Variants in ZCCHC7 observed in about 807,000 individuals in gnomAD.
ZCCHC7 encodes the protein zinc finger CCHC domain-containing protein 7.
Under a neutral mutation model 52.0 loss-of-function variants are expected in ZCCHC7, and 35 were observed. The ratio of observed to expected loss-of-function variants is 0.67; its 90% CI spans 0.51 to 0.89. The LOEUF (loss-of-function observed/expected upper bound fraction) is 0.89. Among genes scored for constraint, ZCCHC7 ranks in the 40% least tolerant of loss-of-function variants. The probability of loss-of-function intolerance (pLI) is 0.00; values close to 1 mark genes in which losing one functional copy is unlikely to be tolerated. For missense variants in ZCCHC7, 574 were observed against 649.1 expected, an observed-to-expected ratio of 0.88 and a Z score of 1.26; for synonymous variants, 217 against 221.5, an observed-to-expected ratio of 0.98 and a Z score of 0.18.
chr9:37,357,214 A>G lies in ZCCHC7; in HGVS notation c.1578A>G (p.Glu526=). The part of the protein sequence containing the change: ...GKQKKKERCW[E]DDDNDNLFLI... ...AGAAGAAAAAGGAGAGGTGCTGGGA[A>G]GATGATGACAATGATAACTTATTTC... Residue 526 remains glutamate (E), a synonymous_variant, in exon 9 of 9, where the codon GAA becomes GAG. Transcript: ENST00000336755. The G allele has an allele frequency of 6.2e-7, 1 of 1,610,712 alleles. No homozygotes were observed.
chr9:37,167,908 T>A (rs1443234285), intron 2 of ZCCHC7, among the ~76,000 whole-genome samples: 2 of 152,356 alleles, frequency 1.3e-5, no homozygotes, highest in Admixed American at 6.5e-5. Flanking sequence ...TGTAATCCTT[T>A]TGGGTGATTC....
At chr9:37,143,783 G>A (rs1843325868) in intron 2 of ZCCHC7, among the ~76,000 whole-genome samples, 2 of 151,652 alleles carry the variant, frequency 1.3e-5, no homozygotes, top group Non-Finnish European at 3.0e-5. Context: ...AGAAAAGAGT[G>A]CCTCGAGGCT....
At chr9:37,162,751 G>A (rs1470474638) in intron 2 of ZCCHC7, among the ~76,000 whole-genome samples, 1 of 152,166 alleles carries the variant, frequency 6.6e-6, no homozygotes, top group East Asian at 1.9e-4. Context: ...GAATTGTAAT[G>A]GATATGTGTG....
rs114089346 is a variant in ZCCHC7, at chr9:37,280,939, G to A, written c.611-21249G>A. Reference sequence around the variant, plus strand: ...GAAAGCAAAAAAAAAGTAATAATGTGTGATTTATATGTAGATGTAATACAT... The same window carrying A: ...GAAAGCAAAAAAAAAGTAATAATGTATGATTTATATGTAGATGTAATACAT... On this transcript the variant is annotated intron_variant, in intron 2 of 8. Transcript: ENST00000336755. Among the ~76,000 whole-genome samples, 733 of 152,200 alleles carry A rather than the reference G, an allele frequency of 4.8e-3. 3 individuals are homozygous for A. The highest frequency in any genetic ancestry group is 0.017 in the African/African-American group (698 of 41,530).
At chr9:37,164,579 AAAGAAAAGAAAAG>A (rs1181378771) in intron 2 of ZCCHC7, among the ~76,000 whole-genome samples, 2 of 151,986 alleles carry the variant, frequency 1.3e-5, no homozygotes, top group African/African-American at 4.8e-5. Context: ...GAGAGAAGAG[AAAGAAAAGAAAAG>A]AAGAAAAGAA....
At chr9:37,208,906 C>T (rs996250975) in intron 2 of ZCCHC7, among the ~76,000 whole-genome samples, 2 of 152,190 alleles carry the variant, frequency 1.3e-5, no homozygotes, top group Non-Finnish European at 2.9e-5. Flanking sequence ...CTTTATCTTT[C>T]TGATCTTATC....
intron 2 of ZCCHC7, among the ~76,000 whole-genome samples, chr9:37,277,477 T>C (rs1391206117): frequency 6.6e-6 from 1 of 151,808 alleles, no homozygotes; most frequent in East Asian, 1.9e-4. Flanking sequence ...CCCCCCCATC[T>C]CTGAAATAAA....
At chr9:37,321,881 A>G (rs1564253632) in intron 5 of ZCCHC7, among the ~76,000 whole-genome samples, 1 of 152,226 alleles carries the variant, frequency 6.6e-6, no homozygotes, top group Non-Finnish European at 1.5e-5. Context: ...AAGAAACAGT[A>G]TAGTATAGAA....
intron 2 of ZCCHC7, among the ~76,000 whole-genome samples, chr9:37,186,422 C>G (rs1240877575): frequency 6.6e-6 from 1 of 152,118 alleles, no homozygotes; most frequent in East Asian, 1.9e-4. Flanking sequence ...TAACAAGATT[C>G]TCACATTCAG....
chr9:37,184,946 C>G (rs1822570641), intron 2 of ZCCHC7, among the ~76,000 whole-genome samples: 1 of 152,102 alleles, frequency 6.6e-6, no homozygotes, highest in Non-Finnish European at 1.5e-5. Context: ...ACTATTATGT[C>G]TTTTAGATTT....
At chr9:37,347,352 C>T (rs901251089) in intron 6 of ZCCHC7, among the ~76,000 whole-genome samples, 1 of 152,200 alleles carries the variant, frequency 6.6e-6, no homozygotes, top group African/African-American at 2.4e-5. Context: ...CTCTCTCCTA[C>T]AACTTCCATT....
chr9:37,307,152 C>A (rs1054244799), intron 5 of ZCCHC7, among the ~76,000 whole-genome samples: 39 of 151,986 alleles, frequency 2.6e-4, no homozygotes, highest in African/African-American at 9.2e-4. Context: ...GCAGCCATTA[C>A]TTTAAATTGC....
At chr9:37,139,155 T>C (rs1843117108) in intron 2 of ZCCHC7, among the ~76,000 whole-genome samples, 1 of 152,018 alleles carries the variant, frequency 6.6e-6, no homozygotes, top group Non-Finnish European at 1.5e-5. Flanking sequence ...GAAGCAAAAG[T>C]ATGGACTTCA....
intron 2 of ZCCHC7, among the ~76,000 whole-genome samples, chr9:37,166,740 G>T (rs2132948360): frequency 6.6e-6 from 1 of 152,076 alleles, no homozygotes; most frequent in East Asian, 1.9e-4. Flanking sequence ...TTGCTATGTT[G>T]TGTCTTTATT....
chr9:37,302,103 A>T, intron 2 of ZCCHC7, 85 bp from the exon 3 acceptor site: 1 of 1,092,844 alleles, frequency 9.2e-7, no homozygotes, highest in Non-Finnish European at 1.4e-6. Flanking sequence ...GTCCAATTTG[A>T]GTACTCATAA....
chr9:37,121,265 A>G lies in ZCCHC7; in HGVS notation c.-22+642A>G, dbSNP rs535395957. ...CCTGGGTTCTAGCCGTGGCTCCCCC[A>G]CGGATTCGCTGGCGATTCCAGAAAG... On this transcript the variant is annotated intron_variant, in intron 1 of 8. Transcript: ENST00000336755. Among the ~76,000 whole-genome samples, 13 of 152,304 alleles carry G rather than the reference A, an allele frequency of 8.5e-5. No homozygotes were observed. In the East Asian group the frequency reaches 2.5e-3, roughly 29 times the overall value.
chr9:37,182,735 T>G (rs1822435478), intron 2 of ZCCHC7, among the ~76,000 whole-genome samples: 1 of 152,184 alleles, frequency 6.6e-6, no homozygotes, highest in Non-Finnish European at 1.5e-5. Flanking sequence ...TGAAATTGTG[T>G]TGTTATTTTT....
chr9:37,216,173 AGCAT>A (rs1238588622), intron 2 of ZCCHC7, among the ~76,000 whole-genome samples: 4 of 152,190 alleles, frequency 2.6e-5, no homozygotes, highest in Non-Finnish European at 5.9e-5. Flanking sequence ...GAGGTCATAT[AGCAT>A]TTTCTGTAAT....
intron 2 of ZCCHC7, among the ~76,000 whole-genome samples, chr9:37,277,087 A>G (rs1827718572): frequency 6.6e-6 from 1 of 152,220 alleles, no homozygotes. Context: ...TATGCTTACT[A>G]TGCACCAAGT....
Sources: allele counts gnomAD v4.1 joint callset (sites outside exome capture counted in the v4.1 genomes callset), GRCh38; gene constraint gnomAD v4.1.1; transcripts MANE v1.5; gene names NCBI Gene and HGNC (gene_info 2026-07-23, HGNC 2026-07-21).